CLNK: variants seen among roughly 807,000 people sequenced by gnomAD.
CLNK encodes the protein cytokine-dependent hematopoietic cell linker.
In CLNK, 74 loss-of-function variants were observed where a neutral mutation model predicts 68.6. The observed-to-expected ratio is 1.08, with a 90% CI of 0.89 to 1.31. The LOEUF (loss-of-function observed/expected upper bound fraction) is 1.31. Among genes scored for constraint, CLNK ranks in the 50% most tolerant of loss-of-function variants. The pLI is 0.00. For synonymous variants in CLNK, 198 were observed against 172.2 expected (o/e 1.15, Z -1.17); for missense variants, 553 against 515.3 (o/e 1.07, Z -0.71).
rs73098267 is a variant in CLNK, at chr4:10,600,038, C to T, written c.12-1989G>A. Among the ~76,000 whole-genome samples the T allele has an allele frequency of 8.2e-3, 1,256 of 152,320 alleles. 14 individuals carry two copies. Among genetic ancestry groups the T allele is most frequent in the African/African-American group, 0.029 (1,194 of 41,564 alleles). ...AAACCCAAACTCTTAACCATGATAG[C>T]TAAGTTTCCTGCCCCAGTGGCTTTG... On this transcript the variant is annotated intron_variant, in intron 2 of 18. Transcript: ENST00000226951.
intron 13 of CLNK, among the ~76,000 whole-genome samples, chr4:10,527,416 A>T (rs1439882467): frequency 2.0e-5 from 3 of 152,170 alleles, no homozygotes; most frequent in African/African-American, 4.8e-5. Flanking sequence ...GACCAAAACC[A>T]CTCAGTGATT....
intron 4 of CLNK, among the ~76,000 whole-genome samples, chr4:10,580,418 T>A (rs888640832): frequency 1.3e-5 from 2 of 152,218 alleles, no homozygotes; most frequent in Non-Finnish European, 2.9e-5. Flanking sequence ...AAAAGTTAAC[T>A]GTAAAACAGT....
At chr4:10,701,104 A>C in the CLNK span, among the ~76,000 whole-genome samples, 1 of 152,202 alleles carries the variant, frequency 6.6e-6, no homozygotes, top group Non-Finnish European at 1.5e-5. Flanking sequence ...AAAGATGTCC[A>C]TGGAGCTATC....
At chr4:10,504,487 A>C (rs1717205891) in intron 17 of CLNK, among the ~76,000 whole-genome samples, 1 of 152,182 alleles carries the variant, frequency 6.6e-6, no homozygotes. Flanking sequence ...CAGGTAAAGG[A>C]ATAAAGGTCG....
At position 10,616,793 on chromosome 4, in the gene CLNK, T is replaced by TAC. The variant is rs1722248607; in HGVS notation, c.12-18745_12-18744insGT. 0.023 allele frequency among the ~76,000 whole-genome samples: 70 copies of TAC among 3,008 alleles called. 1 individual carries two copies. The South Asian group carries it at 0.28, about 12-fold the overall frequency. 2.0% of individuals were successfully genotyped at this position (3,008 alleles called of 152,430 possible). The stretch of plus-strand genomic sequence containing the variant: ...GTGTGTATATATGTGTGTGTGTGTA[T>TAC]ATATATATATATATATATATATATA... On this transcript the variant is annotated intron_variant, in intron 2 of 18. Coordinates refer to ENST00000226951, the MANE Select transcript of CLNK (RefSeq NM_052964.4).
chr4:10,701,876 G>T, the CLNK span, among the ~76,000 whole-genome samples: 1 of 152,210 alleles, frequency 6.6e-6, no homozygotes, highest in Non-Finnish European at 1.5e-5. Context: ...TCTCAGTAGT[G>T]GTCAGTGGGA....
chr4:10,709,543 A>T, the CLNK span, among the ~76,000 whole-genome samples: 1 of 152,196 alleles, frequency 6.6e-6, no homozygotes, highest in Non-Finnish European at 1.5e-5. Context: ...ATGGCAAAAA[A>T]TGGCCATAAT....
the CLNK span, among the ~76,000 whole-genome samples, chr4:10,719,131 C>G: frequency 6.6e-6 from 1 of 151,766 alleles, no homozygotes; most frequent in East Asian, 1.9e-4. Context: ...AAAAATAAAA[C>G]AGAAATGAAA....
rs73100243 is a variant in CLNK at position 10,616,483 on chromosome 4, T to C, written c.12-18434A>G. 9.3e-3 allele frequency among the ~76,000 whole-genome samples: 1,415 copies of C among 152,322 alleles called. 21 individuals carry two copies. The highest frequency in any genetic ancestry group is 0.031 in the African/African-American group (1,288 of 41,570). On this transcript the variant is annotated intron_variant, in intron 2 of 18. Transcript: ENST00000226951. ...TCAACAAAGAAGCTGCCCACATCTC[T>C]GAAGAACAAGTAAAGTCCTCATATT...
chr4:10,610,482 C>T lies in CLNK; in HGVS notation c.12-12433G>A, dbSNP rs989534820. On this transcript the variant is annotated intron_variant, in intron 2 of 18. Coordinates refer to ENST00000226951, the MANE Select transcript of CLNK (RefSeq NM_052964.4). The stretch of plus-strand genomic sequence containing the variant: ...CCAGAAAACCCATAAAAGCTTTTTC[C>T]CCCCTCTTCTTTTTGGTTTAAATTT... 5.3e-5 allele frequency among the ~76,000 whole-genome samples: 8 copies of T among 152,004 alleles called. No individual in the cohort carries two copies. The East Asian group carries it at 1.5e-3, about 29-fold the overall frequency.
At chr4:10,500,974 G>A (rs1486012790) in intron 18 of CLNK, among the ~76,000 whole-genome samples, 1 of 152,196 alleles carries the variant, frequency 6.6e-6, no homozygotes, top group East Asian at 1.9e-4. Context: ...TGTATGCTCC[G>A]CTGGAAGCTT....
At chr4:10,589,578 C>A (rs1201782180) in intron 3 of CLNK, among the ~76,000 whole-genome samples, 2 of 145,726 alleles carry the variant, frequency 1.4e-5, no homozygotes, top group African/African-American at 5.0e-5. Flanking sequence ...GAGCCTGCTG[C>A]TGTGAGCCAG....
At chr4:10,695,263 A>T in the CLNK span, among the ~76,000 whole-genome samples, 1 of 152,244 alleles carries the variant, frequency 6.6e-6, no homozygotes, top group Non-Finnish European at 1.5e-5. Context: ...CACAATGTAT[A>T]CATGTGCCAT....
chr4:10,724,603 A>G, the CLNK span, among the ~76,000 whole-genome samples: 4 of 152,076 alleles, frequency 2.6e-5, no homozygotes, highest in Non-Finnish European at 4.4e-5. Context: ...TATGTGTCCA[A>G]GGTCGTGTGA....
intron 2 of CLNK, among the ~76,000 whole-genome samples, chr4:10,622,896 G>A (rs919846295): frequency 1.1e-4 from 17 of 152,182 alleles, no homozygotes; most frequent in African/African-American, 3.9e-4. Flanking sequence ...TCCTTACTTG[G>A]TAGAGAGAGG....
intron 2 of CLNK, among the ~76,000 whole-genome samples, chr4:10,625,394 G>A (rs945095215): frequency 2.0e-5 from 3 of 152,244 alleles, no homozygotes; most frequent in African/African-American, 7.2e-5. Context: ...CACTGCCTCT[G>A]CCCTGAGCTT....
At chr4:10,612,376 A>G (rs1368111011) in intron 2 of CLNK, among the ~76,000 whole-genome samples, 1 of 152,210 alleles carries the variant, frequency 6.6e-6, no homozygotes, top group East Asian at 1.9e-4. Flanking sequence ...CCTGTGAAAG[A>G]TCCCACGTCC....
At chr4:10,518,258 A>C (rs1717920798) in intron 15 of CLNK, among the ~76,000 whole-genome samples, 1 of 152,192 alleles carries the variant, frequency 6.6e-6, no homozygotes. Context: ...TTATAGATTA[A>C]GCTCTTAGCA....
At chr4:10,628,496 G>A (rs2108866889) in intron 2 of CLNK, among the ~76,000 whole-genome samples, 1 of 152,158 alleles carries the variant, frequency 6.6e-6, no homozygotes, top group South Asian at 2.1e-4. Flanking sequence ...TTTCTCCTTT[G>A]CTCTCCAGAC....
Sources: allele counts gnomAD v4.1 joint callset (sites outside exome capture counted in the v4.1 genomes callset), GRCh38; gene constraint gnomAD v4.1.1; transcripts MANE v1.5; gene names NCBI Gene and HGNC (gene_info 2026-07-23, HGNC 2026-07-21).